Variants in HSF2BP observed in about 807,000 individuals in gnomAD.
The protein encoded by HSF2BP is heat shock transcription factor 2 binding protein.
A neutral mutation model predicts 35.0 loss-of-function variants in HSF2BP; 35 were observed. The observed-to-expected ratio is 1.00, with a 90% CI of 0.76 to 1.32. The LOEUF is 1.32. Ranked by LOEUF, HSF2BP falls within the 40% of genes most tolerant of loss-of-function variation. The probability of loss-of-function intolerance (pLI) is 0.00; values close to 1 mark genes in which losing one functional copy is unlikely to be tolerated. For missense variants in HSF2BP, 326 were observed against 321.7 expected (o/e 1.01, Z -0.10); for synonymous variants, 114 against 117.4 (o/e 0.97, Z 0.18).
At chr21:43,627,017 G>A (rs567283372) in intron 6 of HSF2BP, among the ~76,000 whole-genome samples, 36 of 151,968 alleles carry the variant, frequency 2.4e-4, no homozygotes, top group Non-Finnish European at 4.4e-4. Flanking sequence ...ACAGGTGTGC[G>A]CCACCACGCC....
intron 8 of HSF2BP, among the ~76,000 whole-genome samples, chr21:43,572,296 G>GA (rs1397242681): frequency 6.6e-6 from 1 of 152,228 alleles, no homozygotes; most frequent in South Asian, 2.1e-4. Context: ...GCGCTTGGGA[G>GA]AAAGACTTGG....
rs568911026 is a variant in HSF2BP, at chr21:43,581,243, G to A, written c.796+10982C>T. ...CTACTAAAAATACGAAAAATTAGCC[G>A]GGCGTGGTGGCAGGTGCCTGTAGTC... is the stretch of plus-strand genomic sequence containing the variant. On this transcript the variant is annotated intron_variant, in intron 8 of 8. Transcript: ENST00000291560. 2.6e-5 allele frequency among the ~76,000 whole-genome samples: 4 copies of A among 152,198 alleles called. No homozygotes were observed. The East Asian group carries it at 5.8e-4, about 22-fold the overall frequency.
At chr21:43,619,444 A>G (rs2082307734) in intron 6 of HSF2BP, among the ~76,000 whole-genome samples, 1 of 152,238 alleles carries the variant, frequency 6.6e-6, no homozygotes, top group African/African-American at 2.4e-5. Flanking sequence ...ACGAACATAC[A>G]GCAGCTCCAA....
chr21:43,592,323 AT>A lies in HSF2BP; in HGVS notation c.697del (p.Met233CysfsTer2). The A allele has an allele frequency of 6.2e-7, 1 of 1,607,600 alleles. No homozygotes were observed. The highest frequency in any genetic ancestry group is 8.5e-7 in the Non-Finnish European group (1 of 1,174,086). On this transcript the variant is annotated frameshift_variant, in exon 8 of 9. Transcript: ENST00000291560. LOFTEE classifies it high-confidence loss of function. Reference sequence around the variant, plus strand: ...GCTTACATTGTATAGGGACATCAGCATTAGCCTGAAATGTAAAAGAAAAAGG... The same window carrying A: ...GCTTACATTGTATAGGGACATCAGCATAGCCTGAAATGTAAAAGAAAAAGG... ...PGQCTKLKVLMLMSLYNVSIN... is the reference protein window; with the variant it reads ...PGQCTKLKVLXLMSLYNVSIN...
chr21:43,584,196 G>A (rs1601621488), intron 8 of HSF2BP, among the ~76,000 whole-genome samples: 2 of 150,106 alleles, frequency 1.3e-5, no homozygotes, highest in East Asian at 2.0e-4. Flanking sequence ...GACCTGCTGA[G>A]GGAGATGAAG....
intron 8 of HSF2BP, among the ~76,000 whole-genome samples, chr21:43,582,553 G>A (rs2081770414): frequency 3.0e-5 from 3 of 98,380 alleles, no homozygotes; most frequent in African/African-American, 8.5e-5. Context: ...ACCTGCTGAG[G>A]GAGATGAGGA....
At chr21:43,587,017 A>G (rs1043547768) in intron 8 of HSF2BP, among the ~76,000 whole-genome samples, 2 of 152,216 alleles carry the variant, frequency 1.3e-5, no homozygotes, top group Admixed American at 1.3e-4. Context: ...CAGTTTTCAA[A>G]TTATCTCTTA....
intron 6 of HSF2BP, among the ~76,000 whole-genome samples, chr21:43,617,350 T>C (rs2082283942): frequency 6.6e-6 from 1 of 151,952 alleles, no homozygotes; most frequent in Non-Finnish European, 1.5e-5. Context: ...CAATGCTGCA[T>C]TTCATTAAAT....
intron 7 of HSF2BP, among the ~76,000 whole-genome samples, chr21:43,608,020 T>G (rs2082155692): frequency 6.6e-6 from 1 of 152,156 alleles, no homozygotes; most frequent in African/African-American, 2.4e-5. Flanking sequence ...GAAATAGTCT[T>G]CTGGATATCG....
chr21:43,583,627 T>C (rs996688554), intron 8 of HSF2BP, among the ~76,000 whole-genome samples: 3 of 127,954 alleles, frequency 2.3e-5, no homozygotes, highest in Non-Finnish European at 3.2e-5. Context: ...CTGAGGGAGA[T>C]GAAGACCTGC....
intron 5 of HSF2BP, among the ~76,000 whole-genome samples, chr21:43,632,411 AC>A (rs2082490752): frequency 8.1e-6 from 1 of 123,082 alleles, no homozygotes; most frequent in Non-Finnish European, 1.7e-5. Context: ...CCCCACACAC[AC>A]ATGCTCCCAC....
At position 43,630,455 on chromosome 21, in the gene HSF2BP, CT is replaced by C; in HGVS notation, c.442-2del. On this transcript the variant is annotated splice_acceptor_variant, in intron 5 of 8. Transcript: ENST00000291560. LOFTEE classifies it high-confidence loss of function. The stretch of plus-strand genomic sequence containing the variant: ...TGCTGAAAAACTTCAAAGCTTTATC[CT>C]GAAAGTTTGAAAATCAGAGTGTCAT... The C allele has an allele frequency of 6.2e-7, 1 of 1,607,850 alleles. No homozygotes were observed. Among genetic ancestry groups the C allele is most frequent in the Non-Finnish European group, 8.5e-7 (1 of 1,178,106 alleles).
intron 4 of HSF2BP, among the ~76,000 whole-genome samples, chr21:43,641,578 T>G (rs74690083): frequency 0.044 from 6,759 of 152,246 alleles, 268 homozygotes; most frequent in East Asian, 0.092. Flanking sequence ...GGTTCCATAC[T>G]TTGTTTCTGA....
At chr21:43,499,946 C>T in the HSF2BP span, among the ~76,000 whole-genome samples, 2 of 100,762 alleles carry the variant, frequency 2.0e-5, 1 homozygote, top group African/African-American at 9.7e-5. Flanking sequence ...TCACCCCACA[C>T]ACTCCACGCA....
intron 1 of HSF2BP, 45 bp from the exon 2 acceptor site, chr21:43,658,365 A>G (rs932427756): frequency 5.9e-6 from 3 of 511,194 alleles, no homozygotes; most frequent in South Asian, 2.7e-5. Context: ...AGTGTCAAGT[A>G]AAATAAATCG....
At chr21:43,631,901 CCA>C (rs2082462035) in intron 5 of HSF2BP, among the ~76,000 whole-genome samples, 1 of 150,234 alleles carries the variant, frequency 6.7e-6, no homozygotes, top group South Asian at 2.1e-4. Context: ...ACACATGCTC[CCA>C]CACACCCACA....
chr21:43,642,498 G>T (rs1017158961), intron 4 of HSF2BP, among the ~76,000 whole-genome samples: 1 of 152,076 alleles, frequency 6.6e-6, no homozygotes, highest in Non-Finnish European at 1.5e-5. Flanking sequence ...CAACCTTGCA[G>T]GAGCTTTCCT....
At chr21:43,639,222 T>C (rs2082604394) in intron 4 of HSF2BP, among the ~76,000 whole-genome samples, 1 of 152,072 alleles carries the variant, frequency 6.6e-6, no homozygotes, top group Admixed American at 6.5e-5. Flanking sequence ...TGGGAGAAAA[T>C]TGTGGTGACC....
At chr21:43,613,995 C>A in intron 6 of HSF2BP, 48 bp from the exon 7 acceptor site, 1 of 1,345,594 alleles carries the variant, frequency 7.4e-7, no homozygotes, top group East Asian at 2.3e-5. Flanking sequence ...TGACTCAGAA[C>A]CTAGACAATT....
Sources: gnomAD v4.1 joint callset for allele counts (sites outside exome capture counted in the v4.1 genomes callset) on GRCh38, gnomAD v4.1.1 for gene constraint, MANE v1.5 for transcripts, NCBI Gene and HGNC (gene_info 2026-07-23, HGNC 2026-07-21) for gene names.